Variants in SCD observed in about 807,000 individuals in gnomAD.
SCD encodes the protein acyl-CoA desaturase.
SCD carries 4 observed loss-of-function variants against 35.7 expected under a neutral mutation model. The ratio of observed to expected loss-of-function variants is 0.11; its 90% CI spans 0.06 to 0.26. The LOEUF (loss-of-function observed/expected upper bound fraction) is 0.26. SCD is among the 10% of genes least tolerant of loss of function. The pLI is 1.00. For synonymous variants in SCD, 150 were observed against 170.2 expected, an observed-to-expected ratio of 0.88 and a Z score of 0.92; for missense variants, 282 against 460.7, an observed-to-expected ratio of 0.61 and a Z score of 3.55.
At chr10:100,347,636 T>C in intron 1 of SCD, 105 bp downstream of exon 1, 1 of 1,314,350 alleles carries the variant, frequency 7.6e-7, no homozygotes, top group Admixed American at 2.1e-5. Flanking sequence ...GCGGAGGACT[T>C]GGTCATCTTT....
In SCD at chr10:100,354,635, G is replaced by A; in HGVS notation, c.647+3G>A. ...AAACTGGTGATGTTCCAGAGGAGGT[G>A]AGTGAAGCCCTGATGGAGGTGGGGA... On this transcript the variant is annotated splice_donor_region_variant and intron_variant, in intron 4 of 5. Coordinates refer to ENST00000370355, the MANE Select transcript of SCD (RefSeq NM_005063.5). 1.2e-6 allele frequency: 2 copies of A among 1,613,262 alleles called. No individual in the cohort carries two copies. Among genetic ancestry groups the A allele is most frequent in the Non-Finnish European group, 8.5e-7 (1 of 1,179,182 alleles).
rs1849928158 is a variant in SCD, at chr10:100,356,419, A to G, written c.648-113A>G. ...AATAAAACAATGAACTTAGAGTCAG[A>G]CAAGCAATTCAACATGGAAGAAAGA... On this transcript the variant is annotated intron_variant, in intron 4 of 5. Coordinates refer to ENST00000370355, the MANE Select transcript of SCD (RefSeq NM_005063.5). This position sits in a 1 kb window ranked among gnomAD's most constrained non-coding sequence, Gnocchi z 4.1. The G allele has an allele frequency of 2.6e-6, 2 of 764,568 alleles. No individual in the cohort carries two copies. Among genetic ancestry groups the G allele is most frequent in the Non-Finnish European group, 4.5e-6 (2 of 444,826 alleles). The allele number at this position is 764,568 out of a possible 1,614,324, so 47.4% of individuals were successfully genotyped here.
chr10:100,348,412 G>A (rs1849831146), intron 2 of SCD, 66 bp downstream of exon 2: 1 of 1,491,164 alleles, frequency 6.7e-7, no homozygotes, highest in African/African-American at 1.4e-5. Context: ...AATAAGGTAG[G>A]ATCTTACAGA....
rs56789731 is a variant in SCD at position 100,363,640 on chromosome 10, A to G, written c.*2707A>G. On this transcript the variant is annotated 3_prime_UTR_variant, in exon 6 of 6. Coordinates refer to ENST00000370355, the MANE Select transcript of SCD (RefSeq NM_005063.5). ...ATTGTAATCGTGTGCCATGGATCTG[A>G]TCTGTACCATGACCCTACATAAGGC... is the stretch of plus-strand genomic sequence containing the variant. 2,651 of 152,406 alleles carry G rather than the reference A, an allele frequency of 0.017. 68 individuals are homozygous for G. Among genetic ancestry groups the G allele is most frequent in the African/African-American group, 0.059 (2,462 of 41,516 alleles). The allele number at this position is 152,406 out of a possible 1,614,324, so 9.4% of individuals were successfully genotyped here.
At chr10:100,351,309 C>G (rs749664833) in intron 2 of SCD, among the ~76,000 whole-genome samples, 1 of 151,224 alleles carries the variant, frequency 6.6e-6, no homozygotes, top group African/African-American at 2.4e-5. Context: ...GCTTCACTGA[C>G]AGCTTGAAGA....
chr10:100,347,607 G>C, intron 1 of SCD, 76 bp downstream of exon 1: 2 of 1,540,692 alleles, frequency 1.3e-6, no homozygotes, highest in Non-Finnish European at 1.8e-6. Context: ...GTTGGTGGCA[G>C]AAGAGAGGGG....
At chr10:100,350,817 C>G (rs1849863445) in intron 2 of SCD, among the ~76,000 whole-genome samples, 1 of 152,138 alleles carries the variant, frequency 6.6e-6, no homozygotes. Flanking sequence ...CAGGTAGATA[C>G]TGTATCTGGG....
intron 1 of SCD, 145 bp from the exon 2 acceptor site, chr10:100,347,919 C>G: frequency 4.8e-6 from 4 of 831,026 alleles, no homozygotes; most frequent in Non-Finnish European, 7.6e-6. Context: ...CGTTGCGTCT[C>G]GGATACACCC....
At chr10:100,357,123 G>A (rs1181486040) in intron 5 of SCD, among the ~76,000 whole-genome samples, 1 of 152,196 alleles carries the variant, frequency 6.6e-6, no homozygotes, top group African/African-American at 2.4e-5. Context: ...AGACCAGTCT[G>A]GCCAACACGG....
chr10:100,356,827 A>G lies in SCD; in HGVS notation c.880+63A>G, dbSNP rs1849933771. The G allele has an allele frequency of 1.5e-6, 2 of 1,351,366 alleles. No homozygotes were observed. The highest frequency in any genetic ancestry group is 3.7e-5 in the Admixed American group (2 of 54,048). The allele number at this position is 1,351,366 out of a possible 1,614,324, so 83.7% of individuals were successfully genotyped here. Reference sequence around the variant, plus strand: ...CTGCTGATTAGGGGATTAGGCTAGGAGCCAGAAAAACTAGATAAATCTGTT... The same window carrying G: ...CTGCTGATTAGGGGATTAGGCTAGGGGCCAGAAAAACTAGATAAATCTGTT... On this transcript the variant is annotated intron_variant, in intron 5 of 5. Coordinates refer to ENST00000370355, the MANE Select transcript of SCD (RefSeq NM_005063.5). The surrounding 1 kb of genome is among the most constrained non-coding windows in gnomAD (Gnocchi z 4.1).
At chr10:100,358,555 G>A (rs1849954014) in intron 5 of SCD, among the ~76,000 whole-genome samples, 1 of 141,856 alleles carries the variant, frequency 7.0e-6, no homozygotes, top group Non-Finnish European at 1.5e-5. Context: ...TTCCGCCACT[G>A]CAGTCCGCAG....
chr10:100,355,309 T>C (rs1272722788), intron 4 of SCD, among the ~76,000 whole-genome samples: 7 of 150,670 alleles, frequency 4.6e-5, no homozygotes, highest in Admixed American at 3.3e-4. Context: ...ATGAAATAAA[T>C]AGTGTTGGAA....
Position 100,348,359 on chromosome 10 carries a change from C to A in SCD, c.310+13C>A, listed in dbSNP as rs773580911. 1 of 1,611,484 alleles carries A rather than the reference C, an allele frequency of 6.2e-7. No homozygotes were observed. The highest frequency in any genetic ancestry group is 8.5e-7 in the Non-Finnish European group (1 of 1,178,634). Reference sequence around the variant, plus strand: ...ACCTGGCTTTGGGGTAAGCAGCCTCCCTGTCCTCCTGACCTAGTCCTCCAG... The same window carrying A: ...ACCTGGCTTTGGGGTAAGCAGCCTCACTGTCCTCCTGACCTAGTCCTCCAG... On this transcript the variant is annotated intron_variant, in intron 2 of 5. Coordinates refer to ENST00000370355, the MANE Select transcript of SCD (RefSeq NM_005063.5).
chr10:100,353,332 T>TC (rs1849890752), intron 3 of SCD, among the ~76,000 whole-genome samples: 1 of 152,100 alleles, frequency 6.6e-6, no homozygotes, highest in Admixed American at 6.5e-5. Context: ...ACGCCTGTAA[T>TC]CTCAGAACTT....
At position 100,364,262 on chromosome 10, in the gene SCD, T is replaced by C. The variant is rs1166059931; in HGVS notation, c.*3329T>C. 1 of 152,374 alleles carries C rather than the reference T, an allele frequency of 6.6e-6. No individual in the cohort carries two copies. Among genetic ancestry groups the C allele is most frequent in the Non-Finnish European group, 1.5e-5 (1 of 68,044 alleles). The allele number at this position is 152,374 out of a possible 1,614,324, so 9.4% of individuals were successfully genotyped here. On this transcript the variant is annotated 3_prime_UTR_variant, in exon 6 of 6. Coordinates refer to ENST00000370355, the MANE Select transcript of SCD (RefSeq NM_005063.5). ...AAAGGTTAAAAAAGCGAGGTGGCCA[T>C]GTTATGCTGGTGGTTAAGGCCAGGG...
At chr10:100,354,790 G>A (rs1403653532) in intron 4 of SCD, among the ~76,000 whole-genome samples, 158 bp downstream of exon 4, 2 of 152,140 alleles carry the variant, frequency 1.3e-5, no homozygotes, top group African/African-American at 2.4e-5. Flanking sequence ...AACATCCCAC[G>A]GGCCCGTAGC....
chr10:100,348,896 G>A (rs924256853), intron 2 of SCD, among the ~76,000 whole-genome samples: 3 of 152,154 alleles, frequency 2.0e-5, no homozygotes, highest in East Asian at 1.9e-4. Flanking sequence ...AGGCTTCTTC[G>A]TTACAGAGGA....
chr10:100,350,312 G>T (rs1257298023), intron 2 of SCD, among the ~76,000 whole-genome samples: 1 of 152,136 alleles, frequency 6.6e-6, no homozygotes, highest in Admixed American at 6.5e-5. Context: ...TCAGAATTTA[G>T]GAGCTTCACC....
chr10:100,358,109 C>T (rs978419709), intron 5 of SCD, among the ~76,000 whole-genome samples: 3 of 152,174 alleles, frequency 2.0e-5, no homozygotes, highest in Non-Finnish European at 2.9e-5. Flanking sequence ...AAGCGATCCT[C>T]GGGGTTCAGC....
Sources: allele counts gnomAD v4.1 joint callset (sites outside exome capture counted in the v4.1 genomes callset), GRCh38; gene constraint gnomAD v4.1.1; non-coding constraint Gnocchi (gnomAD v3.1); transcripts MANE v1.5; gene names NCBI Gene and HGNC (gene_info 2026-07-23, HGNC 2026-07-21).